Variants in CENPW observed in about 807,000 individuals in gnomAD.
The protein encoded by CENPW is centromere protein W, also known as cancer-up-regulated gene 2 protein.
In CENPW, 3 loss-of-function variants were observed where a neutral mutation model predicts 11.1. The ratio of observed to expected loss-of-function variants is 0.27; its 90% CI spans 0.12 to 0.70. CENPW has a LOEUF of 0.70. Among genes scored for constraint, CENPW ranks in the 30% least tolerant of loss-of-function variants. The probability of loss-of-function intolerance (pLI) is 0.77; values close to 1 mark genes in which losing one functional copy is unlikely to be tolerated. For synonymous variants in CENPW, 38 were observed against 42.0 expected, an observed-to-expected ratio of 0.91 and a Z score of 0.37; for missense variants, 100 against 105.6, an observed-to-expected ratio of 0.95 and a Z score of 0.23.
the CENPW span, among the ~76,000 whole-genome samples, chr6:126,366,607 A>G: frequency 1.3e-5 from 2 of 152,178 alleles, no homozygotes; most frequent in Non-Finnish European, 2.9e-5. Flanking sequence ...TATATCATAT[A>G]CTCAATCTCG....
chr6:126,389,084 C>G, the CENPW span, among the ~76,000 whole-genome samples: 1 of 151,856 alleles, frequency 6.6e-6, no homozygotes, highest in Non-Finnish European at 1.5e-5. Flanking sequence ...CTCTGTTGTT[C>G]TTTGAAACAA....
chr6:126,415,608 T>C, the CENPW span, among the ~76,000 whole-genome samples: 8 of 152,154 alleles, frequency 5.3e-5, no homozygotes, highest in Non-Finnish European at 8.8e-5. Flanking sequence ...TTCCCATGTA[T>C]TGTGGGAGGG....
At chr6:126,420,892 T>A in the CENPW span, among the ~76,000 whole-genome samples, 2 of 152,272 alleles carry the variant, frequency 1.3e-5, no homozygotes, top group East Asian at 1.9e-4. Context: ...TCTTTTTTTT[T>A]ATTTTTTATT....
chr6:126,411,994 A>C, the CENPW span, among the ~76,000 whole-genome samples: 24,758 of 43,048 alleles, frequency 0.58, 5,033 homozygotes, highest in East Asian at 0.9. Context: ...TCCTTCCCCC[A>C]CTCCCTTCCT....
chr6:126,439,917 A>G, the CENPW span, among the ~76,000 whole-genome samples: 2 of 151,640 alleles, frequency 1.3e-5, no homozygotes, highest in Non-Finnish European at 3.0e-5. Flanking sequence ...CTCTTTCCAC[A>G]CTTTCCTATT....
At position 126,348,542 on chromosome 6, in the gene CENPW, A is replaced by G; in HGVS notation, c.*50A>G. On this transcript the variant is annotated 3_prime_UTR_variant, in exon 3 of 3. Coordinates refer to ENST00000368328, the MANE Select transcript of CENPW (RefSeq NM_001012507.4). The stretch of plus-strand genomic sequence containing the variant: ...GTTATGATGCATTCTTTTGGGTGGT[A>G]ACAGATCATAAAGACATTTTTTACA... The G allele has an allele frequency of 9.0e-7, 1 of 1,116,836 alleles. No homozygotes were observed. Among genetic ancestry groups the G allele is most frequent in the Non-Finnish European group, 1.4e-6 (1 of 738,250 alleles). 69.2% of individuals were successfully genotyped at this position (1,116,836 alleles called of 1,614,324 possible).
At chr6:126,366,534 C>A in the CENPW span, among the ~76,000 whole-genome samples, 3 of 152,002 alleles carry the variant, frequency 2.0e-5, no homozygotes, top group African/African-American at 7.3e-5. Flanking sequence ...GTATACGTAC[C>A]TTTGAGATTG....
chr6:126,438,872 A>G, the CENPW span, among the ~76,000 whole-genome samples: 1 of 151,762 alleles, frequency 6.6e-6, no homozygotes, highest in African/African-American at 2.4e-5. Flanking sequence ...GTATCAATTG[A>G]TAGAATAATT....
At chr6:126,404,624 C>T in the CENPW span, among the ~76,000 whole-genome samples, 1 of 152,072 alleles carries the variant, frequency 6.6e-6, no homozygotes, top group Admixed American at 6.6e-5. Context: ...TACATTTCCA[C>T]CAACAGTGTA....
At chr6:126,437,418 A>C in the CENPW span, among the ~76,000 whole-genome samples, 1 of 151,946 alleles carries the variant, frequency 6.6e-6, no homozygotes. Context: ...GGCCAAGGCC[A>C]TGGCCCTTAT....
chr6:126,417,582 A>C, the CENPW span, among the ~76,000 whole-genome samples: 3 of 152,132 alleles, frequency 2.0e-5, no homozygotes, highest in African/African-American at 7.2e-5. Context: ...TGCTGTTCTT[A>C]TGATAGTGAA....
intron 2 of CENPW, among the ~76,000 whole-genome samples, chr6:126,347,251 T>C (rs1037659848): frequency 6.6e-6 from 1 of 152,160 alleles, no homozygotes; most frequent in African/African-American, 2.4e-5. Flanking sequence ...GGGAAACTTA[T>C]TTTTGACAGT....
chr6:126,362,326 T>G, the CENPW span, among the ~76,000 whole-genome samples: 1 of 152,200 alleles, frequency 6.6e-6, no homozygotes, highest in East Asian at 1.9e-4. Context: ...CATATCCCTC[T>G]GCCAATTCAC....
At chr6:126,340,537 G>A in intron 1 of CENPW, 138 bp downstream of exon 1, 1 of 1,209,314 alleles carries the variant, frequency 8.3e-7, no homozygotes, top group Non-Finnish European at 1.2e-6. Context: ...AACAATGACA[G>A]GGAACGTATG....
chr6:126,396,434 C>T, the CENPW span, among the ~76,000 whole-genome samples: 20 of 152,234 alleles, frequency 1.3e-4, 1 homozygote, highest in East Asian at 3.3e-3. Context: ...TCCTGAAACT[C>T]GCCCTTCAAG....
the CENPW span, among the ~76,000 whole-genome samples, chr6:126,471,288 C>T: frequency 2.0e-5 from 3 of 152,106 alleles, no homozygotes; most frequent in Admixed American, 2.0e-4. Flanking sequence ...GTGACAGATT[C>T]CCTGCATGCA....
the CENPW span, among the ~76,000 whole-genome samples, chr6:126,440,448 C>T: frequency 6.6e-6 from 1 of 151,396 alleles, no homozygotes; most frequent in Admixed American, 6.6e-5. Context: ...TGTTGTTTTA[C>T]CCTTTTTAAA....
the CENPW span, among the ~76,000 whole-genome samples, chr6:126,418,338 C>T: frequency 1.3e-5 from 2 of 152,126 alleles, no homozygotes; most frequent in Non-Finnish European, 2.9e-5. Context: ...AAAGTGGAAA[C>T]TTAATAGTCC....
At chr6:126,445,136 C>T in the CENPW span, among the ~76,000 whole-genome samples, 1 of 151,090 alleles carries the variant, frequency 6.6e-6, no homozygotes, top group Non-Finnish European at 1.5e-5. Context: ...GAGCTTTCAC[C>T]ACTAGAGAGG....
Sources: allele counts gnomAD v4.1 joint callset (sites outside exome capture counted in the v4.1 genomes callset), GRCh38; gene constraint gnomAD v4.1.1; transcripts MANE v1.5; gene names NCBI Gene and HGNC (gene_info 2026-07-23, HGNC 2026-07-21).